Variants in RTF2 observed in about 807,000 individuals in gnomAD.
RTF2 encodes the protein replication termination factor 2.
RTF2 carries 18 observed loss-of-function variants against 38.0 expected under a neutral mutation model. The observed-to-expected ratio is 0.47, with a 90% CI of 0.33 to 0.70. The LOEUF is 0.70. Ranked by LOEUF, RTF2 falls within the 30% of genes least tolerant of loss-of-function variation. RTF2 has a pLI of 0.02. For synonymous variants in RTF2, 126 were observed against 137.1 expected (o/e 0.92, Z 0.57); for missense variants, 311 against 379.6 (o/e 0.82, Z 1.50).
Position 56,481,971 on chromosome 20 carries a change from A to C in RTF2, c.399-2140A>C, listed in dbSNP as rs138878554. On this transcript the variant is annotated intron_variant, in intron 4 of 8. Transcript: ENST00000357348. The stretch of plus-strand genomic sequence containing the variant: ...GAGGAACTTAGCAGAAACGAGCTCC[A>C]CAATGGGGTCTCGAGTAGGAGTCCC... Among the ~76,000 whole-genome samples, 589 of 152,332 alleles carry C rather than the reference A, an allele frequency of 3.9e-3. 2 individuals carry two copies. The highest frequency in any genetic ancestry group is 0.014 in the African/African-American group (565 of 41,574).
At chr20:56,501,933 T>C (rs1005851670) in intron 5 of RTF2, among the ~76,000 whole-genome samples, 1 of 152,224 alleles carries the variant, frequency 6.6e-6, no homozygotes, top group Non-Finnish European at 1.5e-5. Flanking sequence ...TTTCGTGCAC[T>C]GTCTTTCCTT....
rs76555313 is a variant in RTF2 at position 56,488,824 on chromosome 20, A to G, written c.477+4635A>G. Reference sequence around the variant, plus strand: ...GGCTTCTTGTTCTCATGCTCACGGAAGCTGCTGCTTTCCCTTGGCCTCCCT... The same window carrying G: ...GGCTTCTTGTTCTCATGCTCACGGAGGCTGCTGCTTTCCCTTGGCCTCCCT... On this transcript the variant is annotated intron_variant, in intron 5 of 8. Coordinates refer to ENST00000357348, the MANE Select transcript of RTF2 (RefSeq NM_016407.5). Among the ~76,000 whole-genome samples, 835 of 152,336 alleles carry G rather than the reference A, an allele frequency of 5.5e-3. 6 individuals carry two copies. The highest frequency in any genetic ancestry group is 0.018 in the African/African-American group (755 of 41,584).
intron 5 of RTF2, among the ~76,000 whole-genome samples, chr20:56,487,103 A>T (rs1020310816): frequency 6.6e-6 from 1 of 152,186 alleles, no homozygotes. Context: ...TCTTACGCCC[A>T]TAATAGTACC....
At chr20:56,503,190 G>A (rs74551992) in intron 5 of RTF2, among the ~76,000 whole-genome samples, 127 of 152,350 alleles carry the variant, frequency 8.3e-4, no homozygotes, top group Non-Finnish European at 1.6e-3. Context: ...GTCCAAAGCA[G>A]CCTCAATGTT....
intron 5 of RTF2, among the ~76,000 whole-genome samples, chr20:56,488,463 G>A (rs1422198636): frequency 2.0e-5 from 3 of 152,108 alleles, no homozygotes; most frequent in Non-Finnish European, 4.4e-5. Flanking sequence ...ATAGGTGAAT[G>A]GGGTGTGTGG....
At position 56,502,626 on chromosome 20, in the gene RTF2, T is replaced by A. The variant is rs1235473061; in HGVS notation, c.478-10689T>A. ...AAGGAAATTCCTATGAGTAAATAGA[T>A]AATGGATGGGAACCTTTAAAGGTGA... On this transcript the variant is annotated intron_variant, in intron 5 of 8. Coordinates refer to ENST00000357348, the MANE Select transcript of RTF2 (RefSeq NM_016407.5). 4.6e-5 allele frequency among the ~76,000 whole-genome samples: 7 copies of A among 152,358 alleles called. No homozygotes were observed. The East Asian group carries it at 1.3e-3, about 29-fold the overall frequency.
intron 1 of RTF2, chr20:56,472,364 A>G: frequency 2.6e-6 from 4 of 1,547,782 alleles, no homozygotes; most frequent in Admixed American, 2.0e-5. Context: ...GGTGCAGTCT[A>G]CACAGTGAAG....
At chr20:56,488,931 A>G (rs1253810802) in intron 5 of RTF2, among the ~76,000 whole-genome samples, 1 of 150,918 alleles carries the variant, frequency 6.6e-6, no homozygotes, top group Non-Finnish European at 1.5e-5. Flanking sequence ...CGGCCTCCCC[A>G]CCTCTCTGAC....
rs1334496013 is a variant in RTF2, at chr20:56,509,210, TAC to T, written c.478-4103_478-4102del. Among the ~76,000 whole-genome samples, 4 of 152,186 alleles carry T rather than the reference TAC, an allele frequency of 2.6e-5. No individual in the cohort carries two copies. In the East Asian group the frequency reaches 7.7e-4, roughly 29 times the overall value. On this transcript the variant is annotated intron_variant, in intron 5 of 8. Coordinates refer to ENST00000357348, the MANE Select transcript of RTF2 (RefSeq NM_016407.5). ...AGCAGACATTTCTCCAGAGAAGGTA[TAC>T]AGATGGTCAGTTAGCACGTGAAAAG...
intron 2 of RTF2, among the ~76,000 whole-genome samples, chr20:56,473,896 G>A (rs1404667052): frequency 6.6e-6 from 1 of 152,078 alleles, no homozygotes; most frequent in Non-Finnish European, 1.5e-5. Context: ...GGGGCCAATA[G>A]AAGCTAAATT....
chr20:56,514,944 G>A (rs1020977163), intron 6 of RTF2, among the ~76,000 whole-genome samples: 1 of 151,754 alleles, frequency 6.6e-6, no homozygotes. Context: ...CTACTGGGGA[G>A]ACTGAGGCAG....
intron 5 of RTF2, among the ~76,000 whole-genome samples, chr20:56,494,034 G>C (rs1260672689): frequency 6.6e-6 from 1 of 152,128 alleles, no homozygotes; most frequent in African/African-American, 2.4e-5. Context: ...TTCCACATCA[G>C]TAAAGGGTGA....
At chr20:56,497,120 G>A (rs917404498) in intron 5 of RTF2, 21 of 1,551,464 alleles carry the variant, frequency 1.4e-5, no homozygotes, top group African/African-American at 1.1e-4. Context: ...AAATAAAAAC[G>A]TTTTCAAAAC....
chr20:56,490,631 A>G (rs899188820), intron 5 of RTF2, among the ~76,000 whole-genome samples: 3 of 152,226 alleles, frequency 2.0e-5, no homozygotes, highest in African/African-American at 7.2e-5. Context: ...CCTGACCAAC[A>G]TGGAGACACC....
chr20:56,500,922 C>T (rs1223854607), intron 5 of RTF2, among the ~76,000 whole-genome samples: 2 of 152,120 alleles, frequency 1.3e-5, no homozygotes, highest in African/African-American at 4.8e-5. Context: ...GCTGGGACTA[C>T]AGGCATCTGG....
intron 6 of RTF2, chr20:56,516,637 A>C: frequency 2.1e-6 from 1 of 471,026 alleles, no homozygotes; most frequent in Non-Finnish European, 3.8e-6. Flanking sequence ...TTATTACTGA[A>C]ATCTGTCAGC....
In RTF2 at chr20:56,518,477, G is replaced by T; in HGVS notation, c.*212G>T. 2.2e-6 allele frequency: 1 copy of T among 449,512 alleles called. No individual in the cohort carries two copies. Among genetic ancestry groups the T allele is most frequent in the Non-Finnish European group, 3.9e-6 (1 of 259,346 alleles). 27.8% of individuals were successfully genotyped at this position (449,512 alleles called of 1,614,324 possible). A position where few individuals can be genotyped will look rare whatever the true frequency, so the allele number is the denominator to read the frequency against. On this transcript the variant is annotated 3_prime_UTR_variant, in exon 9 of 9. Coordinates refer to ENST00000357348, the MANE Select transcript of RTF2 (RefSeq NM_016407.5). ...GGGAGGGGCTGCACAGTGGCCCGAGGTCATGCTTGCTTCCACCTGCAGGTG... is the reference window on the plus strand; with the variant it reads ...GGGAGGGGCTGCACAGTGGCCCGAGTTCATGCTTGCTTCCACCTGCAGGTG...
rs10852 is a variant in RTF2 at position 56,518,717 on chromosome 20, C to T, written c.*452C>T. 3.3e-3 allele frequency: 507 copies of T among 153,326 alleles called. 4 individuals are homozygous for T. Among genetic ancestry groups the T allele is most frequent in the Non-Finnish European group, 5.2e-3 (355 of 68,832 alleles). The allele number at this position is 153,326 out of a possible 1,614,324, so 9.5% of individuals were successfully genotyped here. On this transcript the variant is annotated 3_prime_UTR_variant, in exon 9 of 9. Coordinates refer to ENST00000357348, the MANE Select transcript of RTF2 (RefSeq NM_016407.5). ...AATACACTGTGCCCACTAGAAGCTTCGAAGGGCCTCGTCCCTCTGCTACAG... is the reference window on the plus strand; with the variant it reads ...AATACACTGTGCCCACTAGAAGCTTTGAAGGGCCTCGTCCCTCTGCTACAG...
chr20:56,492,319 C>T (rs1338029432), intron 5 of RTF2, among the ~76,000 whole-genome samples: 2 of 151,450 alleles, frequency 1.3e-5, no homozygotes, highest in Non-Finnish European at 2.9e-5. Flanking sequence ...CTCAAGTGAT[C>T]TTCCCACCTC....
Sources: allele counts gnomAD v4.1 joint callset (sites outside exome capture counted in the v4.1 genomes callset), GRCh38; gene constraint gnomAD v4.1.1; transcripts MANE v1.5; gene names NCBI Gene and HGNC (gene_info 2026-07-23, HGNC 2026-07-21).